Variants in BBS1 observed in about 807,000 individuals in gnomAD.
The protein encoded by BBS1 is Bardet-Biedl syndrome 1, also known as BBSome complex member BBS1.
BBS1 carries 60 observed loss-of-function variants against 73.9 expected under a neutral mutation model. The observed-to-expected ratio is 0.81, with a 90% CI of 0.66 to 1.01. The LOEUF is 1.01. Among genes scored for constraint, BBS1 ranks in the 50% least tolerant of loss-of-function variants. The pLI is 0.00. For synonymous variants in BBS1, 283 were observed against 317.4 expected, an observed-to-expected ratio of 0.89 and a Z score of 1.15; for missense variants, 718 against 770.3, an observed-to-expected ratio of 0.93 and a Z score of 0.80.
intron 13 of BBS1, 195 bp from the exon 14 acceptor site, chr11:66,529,624 G>A: frequency 1.4e-6 from 1 of 714,244 alleles, no homozygotes; most frequent in East Asian, 2.7e-5. Flanking sequence ...AGTGAGAAGA[G>A]GCAGGGCGAG....
In BBS1 at chr11:66,523,811, AT is replaced by A; in HGVS notation, c.1040del (p.Met347ArgfsTer27). 3 of 1,613,670 alleles carry A rather than the reference AT, an allele frequency of 1.9e-6. No homozygotes were observed. The highest frequency in any genetic ancestry group is 2.5e-6 in the Non-Finnish European group (3 of 1,180,028). On this transcript the variant is annotated frameshift_variant, in exon 11 of 17. Transcript: ENST00000318312. LOFTEE classifies it high-confidence loss of function. ...EQHSRGLQAV[M>X]AGLANGEVRI... ...GCATTCCCGGGGCCTGCAGGCCGTC[AT>A]GGCTGGGCTGGCCAATGGAGAGGTC...
intron 8 of BBS1, 184 bp from the exon 9 acceptor site, chr11:66,521,086 G>A (rs1856194283): frequency 1.5e-6 from 1 of 653,794 alleles, no homozygotes; most frequent in South Asian, 1.7e-5. Flanking sequence ...AAAAGGCACA[G>A]ACTAAAAGGC....
intron 7 of BBS1, among the ~76,000 whole-genome samples, chr11:66,518,097 A>G (rs1856094523): frequency 6.6e-6 from 1 of 151,152 alleles, no homozygotes; most frequent in African/African-American, 2.4e-5. Flanking sequence ...AGATGGGATT[A>G]CAGGGATGTG....
chr11:66,522,712 TATTAG>T, intron 9 of BBS1: 1 of 196,348 alleles, frequency 5.1e-6, no homozygotes, highest in Non-Finnish European at 1.0e-5. Flanking sequence ...CAGTGTGTGG[TATTAG>T]GGATATATTG....
In BBS1 at chr11:66,530,933, CTG is replaced by C. The variant is rs775769424; in HGVS notation, c.1514_1515del (p.Leu505ProfsTer52). On this transcript the variant is annotated frameshift_variant, in exon 15 of 17. Coordinates refer to ENST00000318312, the MANE Select transcript of BBS1 (RefSeq NM_024649.5). LOFTEE classifies it high-confidence loss of function. ...LGPTFKLTLH[L>X]QNTSTTRPVL... is the part of the protein sequence containing the mutation. ...CCCCACCTTTAAGCTCACACTTCAC[CTG>C]CAGAACACCTCAACAACCCGTCCTG... 1.4e-5 allele frequency: 23 copies of C among 1,614,130 alleles called. No individual in the cohort carries two copies. Among genetic ancestry groups the C allele is most frequent in the Non-Finnish European group, 1.4e-5 (17 of 1,180,052 alleles).
chr11:66,510,807 G>A (rs1855923967), intron 1 of BBS1, 101 bp downstream of exon 1: 1 of 1,538,002 alleles, frequency 6.5e-7, no homozygotes, highest in East Asian at 2.3e-5. Context: ...AGTCTGGAAG[G>A]ACTCTTAAGA....
chr11:66,513,466 T>C (rs1386832316), intron 3 of BBS1, among the ~76,000 whole-genome samples: 1 of 152,180 alleles, frequency 6.6e-6, no homozygotes, highest in Non-Finnish European at 1.5e-5. Context: ...TTAACTTCTC[T>C]AAGACACAGC....
chr11:66,511,934 G>C (rs1227217216), intron 3 of BBS1, among the ~76,000 whole-genome samples: 3 of 150,810 alleles, frequency 2.0e-5, no homozygotes, highest in African/African-American at 7.3e-5. Flanking sequence ...AGGAGGCGGA[G>C]GTTGAGTGAG....
At chr11:66,519,243 C>T (rs1299365830) in intron 7 of BBS1, among the ~76,000 whole-genome samples, 4 of 152,098 alleles carry the variant, frequency 2.6e-5, no homozygotes, top group South Asian at 2.1e-4. Context: ...CGGTGGCGTG[C>T]GCCTGTAATC....
intron 11 of BBS1, among the ~76,000 whole-genome samples, chr11:66,525,331 C>T (rs1856441870): frequency 6.6e-6 from 1 of 152,088 alleles, no homozygotes; most frequent in Admixed American, 6.6e-5. Context: ...TGCACTCCAG[C>T]CTGGGCCACA....
chr11:66,515,474 G>A, intron 4 of BBS1, 66 bp from the exon 5 acceptor site: 3 of 1,544,660 alleles, frequency 1.9e-6, no homozygotes, highest in East Asian at 4.5e-5. Flanking sequence ...GGAGCTGTCT[G>A]GGGGTGTAGA....
At chr11:66,511,921 C>T (rs1009311307) in intron 3 of BBS1, among the ~76,000 whole-genome samples, 2 of 150,976 alleles carry the variant, frequency 1.3e-5, no homozygotes, top group Non-Finnish European at 2.9e-5. Flanking sequence ...ATTGGTCAAA[C>T]CCAGGAGGCG....
chr11:66,522,278 T>C (rs1856273910), intron 9 of BBS1, among the ~76,000 whole-genome samples: 1 of 151,462 alleles, frequency 6.6e-6, no homozygotes, highest in South Asian at 2.1e-4. Flanking sequence ...TTTGTTACTT[T>C]CTAGGGTACA....
rs373923317 is a variant in BBS1 at position 66,514,683 on chromosome 11, A to G, written c.432+5A>G. The G allele has an allele frequency of 3.4e-4, 549 of 1,609,842 alleles. No homozygotes were observed. Among genetic ancestry groups the G allele is most frequent in the Non-Finnish European group, 4.4e-4 (524 of 1,179,996 alleles). On this transcript the variant is annotated splice_donor_5th_base_variant and intron_variant, in intron 4 of 16. Transcript: ENST00000318312. ...CTTTGGAACCAGGCCAAAGAGGTAA[A>G]TAAATAACATGGGAGTTGGGAACCA...
chr11:66,511,165 G>C, intron 2 of BBS1, 40 bp from the exon 3 acceptor site: 2 of 1,614,034 alleles, frequency 1.2e-6, no homozygotes, highest in Non-Finnish European at 1.7e-6. Context: ...TGAAGCCTCT[G>C]GGATTCTGAG....
rs1360044951 is a variant in BBS1 at position 66,533,251 on chromosome 11, A to T, written c.*1214A>T. On this transcript the variant is annotated 3_prime_UTR_variant, in exon 17 of 17. Transcript: ENST00000318312. ...AGGAGAATTGGTGTCTTTCTAAAAC[A>T]TACTTATTTAAAAACACATACCCAC... The T allele has an allele frequency of 6.6e-6, 1 of 152,220 alleles. No homozygotes were observed. The highest frequency in any genetic ancestry group is 2.4e-5 in the African/African-American group (1 of 41,456). 9.4% of individuals were successfully genotyped at this position (152,220 alleles called of 1,614,324 possible).
At chr11:66,527,505 C>T (rs1191142395) in intron 13 of BBS1, 1 of 180,984 alleles carries the variant, frequency 5.5e-6, no homozygotes, top group African/African-American at 2.4e-5. Flanking sequence ...CCTGTCTCTA[C>T]TAAAAATACA....
rs1382421998 is a variant in BBS1, at chr11:66,531,873, C to G, written c.1696-78C>G. 3.8e-6 allele frequency: 6 copies of G among 1,588,934 alleles called. No individual in the cohort carries two copies. The Admixed American group carries it at 5.5e-5, about 15-fold the overall frequency. On this transcript the variant is annotated intron_variant, in intron 16 of 16. Coordinates refer to ENST00000318312, the MANE Select transcript of BBS1 (RefSeq NM_024649.5). ...GTATCTGCACAGTGGAGCCCTGTGG[C>G]CTGTCATTAGGGCCAGCGCAGACCA...
In BBS1 at chr11:66,532,128, T is replaced by A. The variant is rs553683297; in HGVS notation, c.*91T>A. 2.4e-5 allele frequency: 33 copies of A among 1,354,332 alleles called. No individual in the cohort carries two copies. The South Asian group carries it at 3.4e-4, about 14-fold the overall frequency. 83.9% of individuals were successfully genotyped at this position (1,354,332 alleles called of 1,614,324 possible). On this transcript the variant is annotated 3_prime_UTR_variant, in exon 17 of 17. Coordinates refer to ENST00000318312, the MANE Select transcript of BBS1 (RefSeq NM_024649.5). Reference sequence around the variant, plus strand: ...CAGGCCCACTCCTCATGCAGCAGTGTGCTGGGGCGACAGCTCGTCTCCCCT... The same window carrying A: ...CAGGCCCACTCCTCATGCAGCAGTGAGCTGGGGCGACAGCTCGTCTCCCCT...
Sources: allele counts gnomAD v4.1 joint callset (sites outside exome capture counted in the v4.1 genomes callset), GRCh38; gene constraint gnomAD v4.1.1; transcripts MANE v1.5; gene names NCBI Gene and HGNC (gene_info 2026-07-23, HGNC 2026-07-21).